Variants in SDK2 observed in about 807,000 individuals in gnomAD.
The protein encoded by SDK2 is sidekick cell adhesion molecule 2.
Under a neutral mutation model 253.9 loss-of-function variants are expected in SDK2, and 105 were observed. That is an observed-to-expected ratio of 0.41 (90% CI 0.35 to 0.49). The LOEUF (loss-of-function observed/expected upper bound fraction) is 0.49. SDK2 is among the 20% of genes least tolerant of loss of function. The pLI is 0.06. For synonymous variants in SDK2, 1,249 were observed against 1,234.9 expected, an observed-to-expected ratio of 1.01 and a Z score of -0.24; for missense variants, 2,608 against 3,003.0, an observed-to-expected ratio of 0.87 and a Z score of 3.07.
At chr17:73,567,163 G>T (rs1052099227) in intron 1 of SDK2, among the ~76,000 whole-genome samples, 3 of 152,206 alleles carry the variant, frequency 2.0e-5, no homozygotes, top group Non-Finnish European at 2.9e-5. Context: ...GCCCTCTGCG[G>T]CCCCAGGAGG....
At chr17:73,527,716 C>T (rs543009806) in intron 1 of SDK2, among the ~76,000 whole-genome samples, 1 of 152,284 alleles carries the variant, frequency 6.6e-6, no homozygotes, top group East Asian at 1.9e-4. Flanking sequence ...GGTAGGTGTG[C>T]CGGCTGAGAG....
At chr17:73,625,992 C>A (rs965750926) in intron 1 of SDK2, among the ~76,000 whole-genome samples, 5 of 152,288 alleles carry the variant, frequency 3.3e-5, no homozygotes, top group Middle Eastern at 3.4e-3. Flanking sequence ...GCTGGTCCTG[C>A]CAGTGGGTTA....
intron 2 of SDK2, 150 bp from the exon 3 acceptor site, chr17:73,472,368 A>G: frequency 1.6e-6 from 1 of 615,924 alleles, no homozygotes; most frequent in East Asian, 2.8e-5. Flanking sequence ...ATGTCATAGG[A>G]TCACACAAAG....
chr17:73,507,560 C>T lies in SDK2; in HGVS notation c.102G>A (p.Arg34=), dbSNP rs1249729524. ...VSPYFKTEPV[R]TQVHLEGNRL... is the part of the protein sequence containing the mutation. The stretch of plus-strand genomic sequence containing the variant: ...GGTTTCCTTCCAAGTGCACCTGTGT[C>T]CGCACAGGCTCTGTCTTGAAATACG... Residue 34 remains arginine (R), a synonymous_variant, in exon 2 of 45, where the codon CGG becomes CGA. Transcript: ENST00000392650. 6 of 1,551,700 alleles carry T rather than the reference C, an allele frequency of 3.9e-6. No individual in the cohort carries two copies. Among genetic ancestry groups the T allele is most frequent in the Non-Finnish European group, 5.2e-6 (6 of 1,146,980 alleles).
chr17:73,586,997 G>A (rs1209711781), intron 1 of SDK2, among the ~76,000 whole-genome samples: 2 of 152,198 alleles, frequency 1.3e-5, no homozygotes, highest in Non-Finnish European at 2.9e-5. Flanking sequence ...AATGCCTCTT[G>A]CAGCTTTGAA....
intron 2 of SDK2, among the ~76,000 whole-genome samples, chr17:73,484,257 A>G (rs1371598496): frequency 6.6e-6 from 1 of 152,170 alleles, no homozygotes; most frequent in Non-Finnish European, 1.5e-5. Flanking sequence ...ACAAGCTGAT[A>G]AAGAGGCTGC....
chr17:73,475,375 C>T (rs1053224483), intron 2 of SDK2, among the ~76,000 whole-genome samples: 2 of 152,218 alleles, frequency 1.3e-5, no homozygotes, highest in African/African-American at 4.8e-5. Context: ...TGGTCTCGAA[C>T]TCCTGACCTC....
At chr17:73,637,625 T>TCGGCCTC (rs915838653) in intron 1 of SDK2, among the ~76,000 whole-genome samples, 95 of 152,348 alleles carry the variant, frequency 6.2e-4, no homozygotes, top group African/African-American at 2.1e-3. Context: ...CCTGCCTGCC[T>TCGGCCTC]CGGCCTCCCA....
chr17:73,482,053 T>C (rs1457663524), intron 2 of SDK2, among the ~76,000 whole-genome samples: 1 of 152,106 alleles, frequency 6.6e-6, no homozygotes. Flanking sequence ...GGCAGGAGGA[T>C]CACCTGAGGT....
At chr17:73,450,705 C>G (rs1332960717) in intron 4 of SDK2, among the ~76,000 whole-genome samples, 1 of 152,196 alleles carries the variant, frequency 6.6e-6, no homozygotes, top group African/African-American at 2.4e-5. Context: ...GTCAGTGGTT[C>G]TCAACCAGGG....
At position 73,447,788 on chromosome 17, in the gene SDK2, G is replaced by A. The variant is rs774652602; in HGVS notation, c.480-40C>T. The A allele has an allele frequency of 2.6e-6, 4 of 1,551,086 alleles. No homozygotes were observed. In the South Asian group the frequency reaches 3.6e-5, roughly 14 times the overall value. ...AGGATTCCTCTGACAGGGGCCTAAG[G>A]GGCTCTGAACCTCCAGGGAGTGGGA... is the stretch of plus-strand genomic sequence containing the variant. On this transcript the variant is annotated intron_variant, in intron 4 of 44. Transcript: ENST00000392650. This position sits in a 1 kb window ranked among gnomAD's most constrained non-coding sequence, Gnocchi z 4.0.
Position 73,643,979 on chromosome 17 carries a change from ACTCT to A in SDK2, c.64+42_64+45del. The A allele has an allele frequency of 1.1e-5, 3 of 284,950 alleles. No homozygotes were observed. The highest frequency in any genetic ancestry group is 9.1e-5 in the East Asian group (1 of 11,016). The allele number at this position is 284,950 out of a possible 1,614,324, so 17.7% of individuals were successfully genotyped here. ...AGCTCCCGCCGCCCCTCCCCCGCCCACTCTCCCAGCCCCCTCCCTGTCCCCACGT... is the reference window on the plus strand; with the variant it reads ...AGCTCCCGCCGCCCCTCCCCCGCCCACCCAGCCCCCTCCCTGTCCCCACGT... On this transcript the variant is annotated intron_variant, in intron 1 of 44. Coordinates refer to ENST00000392650, the MANE Select transcript of SDK2 (RefSeq NM_001144952.2). The surrounding 1 kb of genome is among the most constrained non-coding windows in gnomAD (Gnocchi z 6.9).
intron 2 of SDK2, among the ~76,000 whole-genome samples, chr17:73,479,107 T>A (rs2063705744): frequency 6.6e-6 from 1 of 152,270 alleles, no homozygotes; most frequent in African/African-American, 2.4e-5. Flanking sequence ...CCTCCTCTCC[T>A]CAAGTGAACT....
intron 5 of SDK2, 149 bp from the exon 6 acceptor site, chr17:73,441,072 C>T: frequency 1.6e-6 from 1 of 613,112 alleles, no homozygotes; most frequent in Non-Finnish European, 2.9e-6. Flanking sequence ...CCTCCAGACA[C>T]TGACCCCAGG....
At chr17:73,632,695 G>T (rs2143266791) in intron 1 of SDK2, among the ~76,000 whole-genome samples, 1 of 152,268 alleles carries the variant, frequency 6.6e-6, no homozygotes, top group African/African-American at 2.4e-5. Context: ...GACTAATACA[G>T]GTAGAGTGAC....
chr17:73,533,122 C>T (rs2064183186), intron 1 of SDK2, among the ~76,000 whole-genome samples: 2 of 152,226 alleles, frequency 1.3e-5, no homozygotes, highest in South Asian at 2.1e-4. Flanking sequence ...CTACGGGACG[C>T]AGGCAGTGCA....
chr17:73,477,643 C>T (rs898050171), intron 2 of SDK2, among the ~76,000 whole-genome samples: 13 of 152,158 alleles, frequency 8.5e-5, no homozygotes, highest in Non-Finnish European at 1.5e-4. Flanking sequence ...GAGTCATTGG[C>T]GGGGAGGCTC....
intron 1 of SDK2, among the ~76,000 whole-genome samples, chr17:73,635,265 G>A (rs1429045966): frequency 1.3e-5 from 2 of 152,134 alleles, no homozygotes; most frequent in African/African-American, 4.8e-5. Context: ...TGGGATTACA[G>A]GTGTGAACCA....
chr17:73,470,945 C>T lies in SDK2; in HGVS notation c.331+1167G>A, dbSNP rs1026652450. Among the ~76,000 whole-genome samples, 7 of 152,134 alleles carry T rather than the reference C, an allele frequency of 4.6e-5. 1 individual carries two copies. Among genetic ancestry groups the T allele is most frequent in the South Asian group, 4.1e-4 (2 of 4,824 alleles). The stretch of plus-strand genomic sequence containing the variant: ...GAAGACAGCAGATATTTGAGGAAGC[C>T]GGGACAGGGCTGGGAAGGTAACACT... On this transcript the variant is annotated intron_variant, in intron 3 of 44. Transcript: ENST00000392650.
Sources: gnomAD v4.1 joint callset for allele counts (sites outside exome capture counted in the v4.1 genomes callset) on GRCh38, gnomAD v4.1.1 for gene constraint, Gnocchi (gnomAD v3.1) non-coding constraint, MANE v1.5 for transcripts, NCBI Gene and HGNC (gene_info 2026-07-23, HGNC 2026-07-21) for gene names.